ARHGAP9: variants seen among roughly 807,000 people sequenced by gnomAD.
ARHGAP9 encodes the protein Rho GTPase activating protein 9.
Under a neutral mutation model 87.3 loss-of-function variants are expected in ARHGAP9, and 76 were observed. The ratio of observed to expected loss-of-function variants is 0.87; its 90% confidence interval spans 0.72 to 1.05. ARHGAP9 has a LOEUF of 1.05. Ranked by LOEUF, ARHGAP9 falls within the 50% of genes least tolerant of loss-of-function variation. The pLI is 0.00. For synonymous variants in ARHGAP9, 382 were observed against 394.9 expected (o/e 0.97, Z 0.39); for missense variants, 941 against 960.5 (o/e 0.98, Z 0.27).
At chr12:57,472,927 C>T (rs1872321994) in intron 17 of ARHGAP9, among the ~76,000 whole-genome samples, 1 of 152,196 alleles carries the variant, frequency 6.6e-6, no homozygotes, top group African/African-American at 2.4e-5. Context: ...AGAGTTCTGC[C>T]TGCTCACAGT....
chr12:57,486,715 C>G (rs1489255487), intron 1 of ARHGAP9, among the ~76,000 whole-genome samples: 2 of 149,448 alleles, frequency 1.3e-5, no homozygotes, highest in African/African-American at 4.9e-5. Context: ...GAAACCCCGT[C>G]TCTACTAAAA....
Position 57,479,829 on chromosome 12 carries a change from G to T in ARHGAP9, c.-118C>A, listed in dbSNP as rs905824376. ...GGAAGGAGATAAGAAGAAAGAATCAGGTTCAAGACAGAAACAGGGAGACAC... is the reference window on the plus strand; with the variant it reads ...GGAAGGAGATAAGAAGAAAGAATCATGTTCAAGACAGAAACAGGGAGACAC... On this transcript the variant is annotated 5_prime_UTR_variant, in exon 1 of 18. It adds an upstream start codon to the 5' untranslated region. Coordinates refer to ENST00000393791, the MANE Select transcript of ARHGAP9 (RefSeq NM_032496.4). 2 of 1,510,878 alleles carry T rather than the reference G, an allele frequency of 1.3e-6. No homozygotes were observed. 93.6% of individuals were successfully genotyped at this position (1,510,878 alleles called of 1,614,324 possible). A position where few individuals can be genotyped will look rare whatever the true frequency, so the allele number is the denominator to read the frequency against.
chr12:57,480,730 C>T (rs747259115), upstream of ARHGAP9: 7 of 1,527,978 alleles, frequency 4.6e-6, no homozygotes, highest in South Asian at 8.4e-5. Flanking sequence ...AAGTGACCTT[C>T]CCTGGATTAC....
At chr12:57,476,327 C>T in intron 8 of ARHGAP9, 37 bp downstream of exon 8, 4 of 1,603,226 alleles carry the variant, frequency 2.5e-6, no homozygotes, top group Admixed American at 1.7e-5. Context: ...CGGTAGGCAG[C>T]GCCCGCACCC....
At chr12:57,478,492 CT>C (rs1181691118) in intron 3 of ARHGAP9, 47 bp downstream of exon 3, 1 of 1,588,218 alleles carries the variant, frequency 6.3e-7, no homozygotes, top group Non-Finnish European at 8.6e-7. Flanking sequence ...GAGGTGCTGT[CT>C]GTCCTGTGCC....
At chr12:57,486,031 C>T (rs745458507) in intron 1 of ARHGAP9, among the ~76,000 whole-genome samples, 2 of 152,092 alleles carry the variant, frequency 1.3e-5, no homozygotes, top group Admixed American at 6.6e-5. Context: ...TGCTAGATAG[C>T]CTGCAACTGA....
chr12:57,481,975 T>C (rs961769980), upstream of ARHGAP9, among the ~76,000 whole-genome samples: 3 of 152,186 alleles, frequency 2.0e-5, no homozygotes, highest in African/African-American at 7.2e-5. Context: ...CAGATCTTTC[T>C]CTGGGGCTCC....
intron 3 of ARHGAP9, chr12:57,478,226 C>T (rs1168326964): frequency 5.7e-6 from 2 of 353,116 alleles, no homozygotes; most frequent in East Asian, 6.2e-5. Flanking sequence ...GCCTCCACTG[C>T]GCCCTGTGCC....
At chr12:57,476,191 G>A (rs974485765) in intron 8 of ARHGAP9, 25 bp from the exon 9 acceptor site, 26 of 1,526,968 alleles carry the variant, frequency 1.7e-5, no homozygotes, top group Non-Finnish European at 1.8e-5. Context: ...GGAAACTGAG[G>A]CCACGGTGTT....
intron 17 of ARHGAP9, among the ~76,000 whole-genome samples, 181 bp downstream of exon 17, chr12:57,473,422 T>A (rs1872509761): frequency 7.1e-6 from 1 of 140,010 alleles, no homozygotes; most frequent in Non-Finnish European, 1.5e-5. Context: ...CAAAAATAAA[T>A]AAAATAAAAA....
At chr12:57,480,267 C>T (rs1010354613), upstream of ARHGAP9, 19 of 349,046 alleles carry the variant, frequency 5.4e-5, no homozygotes, top group Middle Eastern at 1.4e-3. Flanking sequence ...CTGCAACTTC[C>T]GCCCCCCGGG....
intron 1 of ARHGAP9, among the ~76,000 whole-genome samples, chr12:57,486,753 C>T (rs1314241531): frequency 6.7e-6 from 1 of 148,860 alleles, no homozygotes; most frequent in African/African-American, 2.4e-5. Flanking sequence ...AGCGTGGTGG[C>T]GGGCACCTGT....
chr12:57,476,727 C>A, intron 6 of ARHGAP9, 76 bp from the exon 7 acceptor site: 1 of 1,596,342 alleles, frequency 6.3e-7, no homozygotes, highest in Admixed American at 1.7e-5. Context: ...TAGGGGGTCT[C>A]CCAGGAGTGA....
intron 16 of ARHGAP9, 97 bp downstream of exon 16, chr12:57,473,945 T>A: frequency 6.8e-7 from 1 of 1,464,770 alleles, no homozygotes; most frequent in African/African-American, 1.4e-5. Flanking sequence ...ATCTCTAAAG[T>A]CAGAATGGGA....
chr12:57,476,151 G>A lies in ARHGAP9; in HGVS notation c.1132C>T (p.Arg378Trp). ...CGCAGGTCCACGCTACTTTCGGGCC[G>A]GCTACCCGCTGGTCCCTGACAATGA... ...PSSGWGPAGS[R>W]PESSVDLRGA... Residue 378 changes from arginine to tryptophan, a missense_variant, in exon 9 of 18, where the codon CGG (arginine) becomes TGG (tryptophan). Arg to Trp is a moderately radical substitution (Grantham distance 101). Coordinates refer to ENST00000393791, the MANE Select transcript of ARHGAP9 (RefSeq NM_032496.4). 1 of 1,542,372 alleles carries A rather than the reference G, an allele frequency of 6.5e-7. No homozygotes were observed. Among genetic ancestry groups the A allele is most frequent in the Non-Finnish European group, 8.7e-7 (1 of 1,143,384 alleles).
intron 16 of ARHGAP9, 93 bp from the exon 17 acceptor site, chr12:57,473,801 A>G: frequency 1.6e-6 from 2 of 1,264,396 alleles, no homozygotes; most frequent in South Asian, 2.5e-5. Flanking sequence ...ACAGGCATGG[A>G]AGACATCATT....
At chr12:57,475,962 A>T (rs1389007631) in intron 9 of ARHGAP9, 31 bp from the exon 10 acceptor site, 1 of 1,598,626 alleles carries the variant, frequency 6.3e-7, no homozygotes, top group East Asian at 2.3e-5. Flanking sequence ...CGCTCGGGTC[A>T]ACGGGAAGGA....
At chr12:57,488,583 A>G (rs1565636068) in intron 1 of ARHGAP9, 16 of 1,549,692 alleles carry the variant, frequency 1.0e-5, no homozygotes, top group Non-Finnish European at 1.4e-5. Flanking sequence ...CTCCCCTCCT[A>G]ACACACACAC....
In ARHGAP9 at chr12:57,478,695, C is replaced by G. The variant is rs1042824895; in HGVS notation, c.379G>C (p.Ala127Pro). 3.7e-6 allele frequency: 6 copies of G among 1,614,006 alleles called. No individual in the cohort carries two copies. The Admixed American group carries it at 5.0e-5, about 13-fold the overall frequency. ...LSQALPSRAQ[A>P]SSEQPPPLPR... is the part of the protein sequence containing the mutation. The stretch of plus-strand genomic sequence containing the variant: ...AGTGGAGGAGGCTGCTCCGAGCTAG[C>G]CTGAGCCCTGCTTGGGAGGGCCTGA... Residue 127 changes from alanine to proline, a missense_variant, in exon 3 of 18, where the codon GCT becomes CCT. Ala to Pro is a conservative substitution (Grantham distance 27). Coordinates refer to ENST00000393791, the MANE Select transcript of ARHGAP9 (RefSeq NM_032496.4).
Sources: allele counts gnomAD v4.1 joint callset (sites outside exome capture counted in the v4.1 genomes callset), GRCh38; gene constraint gnomAD v4.1.1; transcripts MANE v1.5; gene names NCBI Gene and HGNC (gene_info 2026-07-23, HGNC 2026-07-21).